The following PPP2R3A variants were observed in gnomAD, a reference collection of about 807,000 sequenced individuals.
PPP2R3A encodes serine/threonine-protein phosphatase 2A regulatory subunit B'' subunit alpha.
Under a neutral mutation model 106.9 loss-of-function variants are expected in PPP2R3A, and 80 were observed. The observed-to-expected ratio is 0.75, with a 90% confidence interval of 0.62 to 0.90. The LOEUF is 0.90. Ranked by LOEUF, PPP2R3A falls within the 40% of genes least tolerant of loss-of-function variation. PPP2R3A has a pLI of 0.00. For missense variants in PPP2R3A, 1,386 were observed against 1,350.4 expected (o/e 1.03, Z -0.41); for synonymous variants, 483 against 468.3 (o/e 1.03, Z -0.41).
At chr3:136,140,250 C>T (rs921818545) in intron 13 of PPP2R3A, among the ~76,000 whole-genome samples, 47 of 151,904 alleles carry the variant, frequency 3.1e-4, no homozygotes, top group African/African-American at 7.7e-4. Flanking sequence ...CTCAAGAATT[C>T]CTGGAGAGCA....
intron 4 of PPP2R3A, among the ~76,000 whole-genome samples, chr3:136,043,395 C>G (rs558858866): frequency 1.1e-3 from 171 of 152,114 alleles, no homozygotes; most frequent in African/African-American, 4.0e-3. Context: ...GGAGGCGGAG[C>G]TTGCAGTGAG....
intron 5 of PPP2R3A, among the ~76,000 whole-genome samples, chr3:136,057,639 GA>G (rs1406733931): frequency 6.6e-6 from 1 of 152,052 alleles, no homozygotes; most frequent in Non-Finnish European, 1.5e-5. Context: ...TTTAAATGGT[GA>G]AGAATCTGAA....
At chr3:136,018,291 T>C (rs1455626079) in intron 2 of PPP2R3A, among the ~76,000 whole-genome samples, 1 of 152,210 alleles carries the variant, frequency 6.6e-6, no homozygotes, top group Non-Finnish European at 1.5e-5. Context: ...GTAGACTTAC[T>C]TTGGTACAAC....
Position 136,140,855 on chromosome 3 carries a change from A to C in PPP2R3A, c.3330-4188A>C, listed in dbSNP as rs953238441. Among the ~76,000 whole-genome samples the C allele has an allele frequency of 4.6e-5, 7 of 152,272 alleles. No individual in the cohort carries two copies. The South Asian group carries it at 1.2e-3, about 27-fold the overall frequency. On this transcript the variant is annotated intron_variant, in intron 13 of 13. Transcript: ENST00000264977. ...AACCTGGGAGGCGGAGGGTGCAGTG[A>C]GCCGAGATCACGCCGTTGCCCTCCT...
At chr3:136,055,997 G>A (rs150283507) in intron 5 of PPP2R3A, among the ~76,000 whole-genome samples, 40 of 152,298 alleles carry the variant, frequency 2.6e-4, no homozygotes, top group African/African-American at 8.7e-4. Context: ...GCCAACATCA[G>A]CAGTCATCAA....
chr3:136,065,876 A>G (rs932002578), intron 5 of PPP2R3A, among the ~76,000 whole-genome samples: 1 of 152,086 alleles, frequency 6.6e-6, no homozygotes, highest in Admixed American at 6.5e-5. Context: ...AGGTCTTGCT[A>G]TGTTGCCTAG....
intron 4 of PPP2R3A, among the ~76,000 whole-genome samples, chr3:136,044,570 C>CAAAAAAAAAAAAAAAAAAAAAAAAAAAA: frequency 1.3e-5 from 1 of 76,086 alleles, no homozygotes; most frequent in Non-Finnish European, 2.4e-5. Flanking sequence ...GACCCTGTCT[C>CAAAAAAAAAAAAAAAAAAAAAAAAAAAA]AAAAAAAAAA....
chr3:135,994,436 GGA>G (rs1295932482), intron 1 of PPP2R3A, among the ~76,000 whole-genome samples: 1 of 152,132 alleles, frequency 6.6e-6, no homozygotes, highest in Non-Finnish European at 1.5e-5. Context: ...GTGGGGGTAT[GGA>G]GACCTAACTA....
At chr3:136,085,115 G>GT (rs1379402675) in intron 8 of PPP2R3A, among the ~76,000 whole-genome samples, 1 of 152,146 alleles carries the variant, frequency 6.6e-6, no homozygotes, top group Admixed American at 6.5e-5. Flanking sequence ...GAACAATATG[G>GT]TTTGGCTGTG....
intron 10 of PPP2R3A, among the ~76,000 whole-genome samples, chr3:136,101,226 T>A (rs1937351043): frequency 6.6e-6 from 1 of 152,084 alleles, no homozygotes; most frequent in Admixed American, 6.6e-5. Flanking sequence ...ATTTGGGGGT[T>A]GAATTAGTAG....
intron 7 of PPP2R3A, chr3:136,079,316 C>A: frequency 1.0e-5 from 3 of 300,806 alleles, no homozygotes; most frequent in South Asian, 9.0e-5. Flanking sequence ...GGCAGTAATT[C>A]CATAATACCT....
At chr3:136,108,506 A>G (rs138873697) in intron 13 of PPP2R3A, among the ~76,000 whole-genome samples, 144 of 152,302 alleles carry the variant, frequency 9.5e-4, no homozygotes, top group African/African-American at 3.4e-3. Context: ...TGTGTTTTAG[A>G]CAAAAGAATA....
intron 4 of PPP2R3A, among the ~76,000 whole-genome samples, chr3:136,042,976 T>C (rs931760727): frequency 1.3e-5 from 2 of 152,128 alleles, no homozygotes; most frequent in African/African-American, 4.8e-5. Flanking sequence ...TGTAATTTTT[T>C]TTTTTTGTAA....
chr3:136,105,462 C>CA (rs1273016646), intron 12 of PPP2R3A, among the ~76,000 whole-genome samples: 1 of 151,980 alleles, frequency 6.6e-6, no homozygotes, highest in Non-Finnish European at 1.5e-5. Context: ...CCTGTGTCTA[C>CA]AAAAAAATTT....
rs146844070 is a variant in PPP2R3A at position 136,143,865 on chromosome 3, T to C, written c.3330-1178T>C. ...ACTGTATATACCTACCTCAGCATATTTTCCCTCACTAATTGGCCCCAATTG... is the reference window on the plus strand; with the variant it reads ...ACTGTATATACCTACCTCAGCATATCTTCCCTCACTAATTGGCCCCAATTG... On this transcript the variant is annotated intron_variant, in intron 13 of 13. Coordinates refer to ENST00000264977, the MANE Select transcript of PPP2R3A (RefSeq NM_002718.5). Among the ~76,000 whole-genome samples the C allele has an allele frequency of 7.3e-4, 111 of 152,332 alleles. No individual in the cohort carries two copies. The East Asian group carries it at 0.018, about 24-fold the overall frequency.
chr3:136,058,827 C>T lies in PPP2R3A; in HGVS notation c.2469+9466C>T, dbSNP rs147770895. ...TAGACCAATGGAACAGAATAGAGAACCCAGAAATAAGACTGCACAGCTACA... is the reference window on the plus strand; with the variant it reads ...TAGACCAATGGAACAGAATAGAGAATCCAGAAATAAGACTGCACAGCTACA... On this transcript the variant is annotated intron_variant, in intron 5 of 13. Transcript: ENST00000264977. Among the ~76,000 whole-genome samples the T allele has an allele frequency of 7.3e-3, 1,105 of 152,204 alleles. 6 individuals carry two copies. Among genetic ancestry groups the T allele is most frequent in the Non-Finnish European group, 0.011 (729 of 68,016 alleles).
rs142193376 is a variant in PPP2R3A, at chr3:135,979,511, G to A, written c.-441+13662G>A. ...TTGGCCAGCCTGGAAAAGACATACC[G>A]TCATCAGAGTGTGGGAACACGATGT... On this transcript the variant is annotated intron_variant, in intron 1 of 13. Transcript: ENST00000264977. Among the ~76,000 whole-genome samples the A allele has an allele frequency of 1.5e-3, 223 of 151,980 alleles. 11 individuals carry two copies. The highest frequency in any genetic ancestry group is 5.2e-3 in the African/African-American group (216 of 41,250).
At chr3:136,092,339 T>TA (rs1294246836) in intron 10 of PPP2R3A, among the ~76,000 whole-genome samples, 2 of 151,996 alleles carry the variant, frequency 1.3e-5, no homozygotes, top group Non-Finnish European at 2.9e-5. Context: ...ACCAAAAAAA[T>TA]ATATATATTA....
chr3:136,076,861 G>A lies in PPP2R3A; in HGVS notation c.2545-1506G>A, dbSNP rs532574431. On this transcript the variant is annotated intron_variant, in intron 6 of 13. Transcript: ENST00000264977. ...ACTTGGGAGGCTGAGGCAGGAGAAT[G>A]GCGTGAACCCGGGAGGTGGAGCTTG... Among the ~76,000 whole-genome samples, 16 of 152,074 alleles carry A rather than the reference G, an allele frequency of 1.1e-4. No homozygotes were observed. The South Asian group carries it at 3.3e-3, about 32-fold the overall frequency.
Sources: allele counts gnomAD v4.1 joint callset (sites outside exome capture counted in the v4.1 genomes callset), GRCh38; gene constraint gnomAD v4.1.1; transcripts MANE v1.5; gene names NCBI Gene and HGNC (gene_info 2026-07-23, HGNC 2026-07-21).